BCAS3: variants seen among roughly 807,000 people sequenced by gnomAD.
BCAS3 encodes the protein BCAS3 microtubule associated cell migration factor.
A neutral mutation model predicts 116.1 loss-of-function variants in BCAS3; 53 were observed. The ratio of observed to expected loss-of-function variants is 0.46; its 90% confidence interval spans 0.37 to 0.57. The LOEUF (loss-of-function observed/expected upper bound fraction) is 0.57. Among genes scored for constraint, BCAS3 ranks in the 20% least tolerant of loss-of-function variants. BCAS3 has a pLI of 0.00. For synonymous variants in BCAS3, 391 were observed against 408.2 expected, an observed-to-expected ratio of 0.96 and a Z score of 0.51; for missense variants, 917 against 1,165.4, an observed-to-expected ratio of 0.79 and a Z score of 3.10.
intron 22 of BCAS3, among the ~76,000 whole-genome samples, chr17:61,172,058 A>G (rs188868018): frequency 7.2e-5 from 11 of 152,350 alleles, no homozygotes; most frequent in Non-Finnish European, 8.8e-5. Context: ...TGAAGAGAAC[A>G]TATCAGTTCT....
chr17:60,931,349 C>G (rs1341062858), intron 13 of BCAS3, among the ~76,000 whole-genome samples: 1 of 152,122 alleles, frequency 6.6e-6, no homozygotes, highest in Non-Finnish European at 1.5e-5. Flanking sequence ...AATTTCAGCT[C>G]ACTGCAACCT....
intron 13 of BCAS3, among the ~76,000 whole-genome samples, chr17:60,939,080 T>A (rs995253351): frequency 5.3e-5 from 8 of 152,146 alleles, no homozygotes; most frequent in Non-Finnish European, 1.2e-4. Context: ...AAGAAAAACA[T>A]GTCCACATGG....
chr17:60,799,601 T>C lies in BCAS3; in HGVS notation c.404-8403T>C, dbSNP rs563726986. ...TGGAGTGCAGTGGCCTGATCTTGGC[T>C]CCCTGCAGCCTCTGCCTCCTGGAGT... On this transcript the variant is annotated intron_variant, in intron 6 of 23. Transcript: ENST00000407086. Among the ~76,000 whole-genome samples, 34 of 144,156 alleles carry C rather than the reference T, an allele frequency of 2.4e-4. No homozygotes were observed. The East Asian group carries it at 6.0e-3, about 25-fold the overall frequency. The allele number at this position is 144,156 out of a possible 152,430, so 94.6% of individuals were successfully genotyped here. A position where few individuals can be genotyped will look rare whatever the true frequency, so the allele number is the denominator to read the frequency against.
rs181890194 is a variant in BCAS3, at chr17:60,692,851, C to T, written c.214+3090C>T. 1.2e-3 allele frequency among the ~76,000 whole-genome samples: 42 copies of T among 36,198 alleles called. No individual in the cohort carries two copies. In the East Asian group the frequency reaches 0.032, roughly 28 times the overall value. 23.7% of individuals were successfully genotyped at this position (36,198 alleles called of 152,430 possible). ...TGGAGGTTACAATGAACCAAGATCG[C>T]GCCACTGCACTCCAGCCTGGGCGAC... On this transcript the variant is annotated intron_variant, in intron 4 of 23. Transcript: ENST00000407086.
intron 7 of BCAS3, among the ~76,000 whole-genome samples, chr17:60,833,403 T>C (rs1310868485): frequency 1.3e-5 from 2 of 152,248 alleles, no homozygotes; most frequent in East Asian, 3.8e-4. Flanking sequence ...GTTTTAATTT[T>C]TAAAAGCAGA....
intron 20 of BCAS3, among the ~76,000 whole-genome samples, chr17:61,076,591 C>G (rs1419610846): frequency 6.6e-6 from 1 of 152,156 alleles, no homozygotes; most frequent in African/African-American, 2.4e-5. Flanking sequence ...TTCACTTCAA[C>G]TTTTCAATTA....
chr17:61,295,797 A>C (rs1244939127), intron 22 of BCAS3, among the ~76,000 whole-genome samples: 1 of 151,882 alleles, frequency 6.6e-6, no homozygotes, highest in Non-Finnish European at 1.5e-5. Context: ...ACTAAAAAAA[A>C]AAAAAAAATT....
chr17:60,922,515 G>C (rs2059157219), intron 12 of BCAS3, among the ~76,000 whole-genome samples: 1 of 152,134 alleles, frequency 6.6e-6, no homozygotes, highest in Non-Finnish European at 1.5e-5. Flanking sequence ...CCACATGCAT[G>C]TTAGTAAACA....
At position 61,307,600 on chromosome 17, in the gene BCAS3, T is replaced by G. The variant is rs1349778255; in HGVS notation, c.2426-60727T>G. Among the ~76,000 whole-genome samples the G allele has an allele frequency of 6.6e-6, 1 of 152,204 alleles. No homozygotes were observed. Among genetic ancestry groups the G allele is most frequent in the Non-Finnish European group, 1.5e-5 (1 of 68,034 alleles). ...CTCAATGAGATTTTACCAAAATAAATTAGCGTTCATAAATAAAAGGAGCTA... is the reference window on the plus strand; with the variant it reads ...CTCAATGAGATTTTACCAAAATAAAGTAGCGTTCATAAATAAAAGGAGCTA... On this transcript the variant is annotated intron_variant, in intron 22 of 23. Transcript: ENST00000407086. This position sits in a 1 kb window ranked among gnomAD's most constrained non-coding sequence, Gnocchi z 4.7.
rs781237807 is a variant in BCAS3, at chr17:61,282,075, C to G, written c.2426-86252C>G. ...CAAACTAGTTACTAGGTACCTGCCT[C>G]CTGCATTTTTGTGAATATCTAATAA... On this transcript the variant is annotated intron_variant, in intron 22 of 23. Coordinates refer to ENST00000407086, the MANE Select transcript of BCAS3 (RefSeq NM_017679.5). This position sits in a 1 kb window ranked among gnomAD's most constrained non-coding sequence, Gnocchi z 5.9. 1.4e-4 allele frequency among the ~76,000 whole-genome samples: 22 copies of G among 152,174 alleles called. No homozygotes were observed. Among genetic ancestry groups the G allele is most frequent in the Non-Finnish European group, 3.1e-4 (21 of 68,032 alleles).
intron 22 of BCAS3, among the ~76,000 whole-genome samples, chr17:61,103,331 G>A (rs565570167): frequency 3.7e-4 from 56 of 152,202 alleles, no homozygotes; most frequent in Admixed American, 2.6e-3. Context: ...TCTGAGAATC[G>A]TTTAAGGGAA....
rs76548598 is a variant in BCAS3 at position 60,787,917 on chromosome 17, C to CT, written c.404-20074dup. ...CAGGAGTCAAGGACATGAATAGTAC[C>CT]TTTTTTTTTTTTTAACTAGAAAAGT... On this transcript the variant is annotated intron_variant, in intron 6 of 23. Coordinates refer to ENST00000407086, the MANE Select transcript of BCAS3 (RefSeq NM_017679.5). Among the ~76,000 whole-genome samples, 303 of 139,800 alleles carry CT rather than the reference C, an allele frequency of 2.2e-3. 2 individuals carry two copies. Among genetic ancestry groups the CT allele is most frequent in the Middle Eastern group, 7.5e-3 (2 of 268 alleles). 91.7% of individuals were successfully genotyped at this position (139,800 alleles called of 152,430 possible).
At chr17:60,980,534 T>A (rs1164208689) in intron 14 of BCAS3, 1 of 138,582 alleles carries the variant, frequency 7.2e-6, no homozygotes, top group Non-Finnish European at 1.5e-5. Flanking sequence ...ATGGTATTCT[T>A]TTTTTTTTTT....
chr17:60,927,029 C>T lies in BCAS3; in HGVS notation c.1087+2529C>T, dbSNP rs117324908. Among the ~76,000 whole-genome samples the T allele has an allele frequency of 9.3e-3, 1,422 of 152,162 alleles. 18 individuals carry two copies. The highest frequency in any genetic ancestry group is 0.014 in the Non-Finnish European group (962 of 68,004). On this transcript the variant is annotated intron_variant, in intron 13 of 23. Transcript: ENST00000407086. ...GTTTCCCTTGCTAACTTATCTGTTC[C>T]TCCTACAAAGAGATCAGATGTCATT...
At chr17:60,833,502 T>A (rs946825204) in intron 7 of BCAS3, among the ~76,000 whole-genome samples, 10 of 152,232 alleles carry the variant, frequency 6.6e-5, no homozygotes, top group African/African-American at 2.4e-4. Context: ...TCACAGTTGC[T>A]GTGGTTACAG....
chr17:61,106,712 G>C lies in BCAS3; in HGVS notation c.2425+22148G>C, dbSNP rs1306593157. 6.6e-6 allele frequency among the ~76,000 whole-genome samples: 1 copy of C among 152,154 alleles called. No individual in the cohort carries two copies. Among genetic ancestry groups the C allele is most frequent in the African/African-American group, 2.4e-5 (1 of 41,444 alleles). On this transcript the variant is annotated intron_variant, in intron 22 of 23. Transcript: ENST00000407086. This position sits in a 1 kb window ranked among gnomAD's most constrained non-coding sequence, Gnocchi z 4.2. ...TTGAAACTTGCTTCATTTATTGTTA[G>C]CAGATTTCCTTCAAGTCATTAAATA...
At chr17:61,129,592 A>T (rs2076225344) in intron 22 of BCAS3, among the ~76,000 whole-genome samples, 1 of 152,262 alleles carries the variant, frequency 6.6e-6, no homozygotes, top group Non-Finnish European at 1.5e-5. Flanking sequence ...TACAGCAGCC[A>T]GTCTTGATTT....
intron 22 of BCAS3, among the ~76,000 whole-genome samples, chr17:61,299,636 T>C (rs2053272824): frequency 1.3e-5 from 2 of 152,220 alleles, no homozygotes; most frequent in Admixed American, 6.5e-5. Flanking sequence ...AGTATCAAAA[T>C]GGTTGCTTCA....
At position 61,324,582 on chromosome 17, in the gene BCAS3, T is replaced by C. The variant is rs1020979384; in HGVS notation, c.2426-43745T>C. Among the ~76,000 whole-genome samples, 9 of 152,328 alleles carry C rather than the reference T, an allele frequency of 5.9e-5. No homozygotes were observed. Among genetic ancestry groups the C allele is most frequent in the African/African-American group, 2.2e-4 (9 of 41,582 alleles). Reference sequence around the variant, plus strand: ...ATCGCCTCCAAAAGGAAGGCAGCACTGAATGACAGTAAAGTAAGGGCTGGG... The same window carrying C: ...ATCGCCTCCAAAAGGAAGGCAGCACCGAATGACAGTAAAGTAAGGGCTGGG... On this transcript the variant is annotated intron_variant, in intron 22 of 23. Transcript: ENST00000407086. This position sits in a 1 kb window ranked among gnomAD's most constrained non-coding sequence, Gnocchi z 4.6.
Sources: allele counts gnomAD v4.1 joint callset (sites outside exome capture counted in the v4.1 genomes callset), GRCh38; gene constraint gnomAD v4.1.1; non-coding constraint Gnocchi (gnomAD v3.1); transcripts MANE v1.5; gene names NCBI Gene and HGNC (gene_info 2026-07-23, HGNC 2026-07-21).